SP140: variants seen among roughly 807,000 people sequenced by gnomAD.
SP140 encodes the protein SP140 nuclear body protein.
Under a neutral mutation model 125.0 loss-of-function variants are expected in SP140, and 81 were observed. The ratio of observed to expected loss-of-function variants is 0.65; its 90% CI spans 0.54 to 0.78. The LOEUF (loss-of-function observed/expected upper bound fraction) is 0.78, where lower values mean the gene tolerates loss of function less well. Ranked by LOEUF, SP140 falls within the 30% of genes least tolerant of loss-of-function variation. SP140 has a pLI of 0.00. For missense variants in SP140, 858 were observed against 1,037.0 expected, an observed-to-expected ratio of 0.83 and a Z score of 2.37; for synonymous variants, 312 against 354.0, an observed-to-expected ratio of 0.88 and a Z score of 1.33.
At position 230,273,124 on chromosome 2, in the gene SP140, C is replaced by T. The variant is rs553986230; in HGVS notation, c.1498+2485C>T. On this transcript the variant is annotated intron_variant, in intron 15 of 26. Coordinates refer to ENST00000392045, the MANE Select transcript of SP140 (RefSeq NM_007237.5). ...CTAATTAAACTAAAGAGTTTCTGCA[C>T]AGCAAAAGAAGCTATCATCAGAGTA... Among the ~76,000 whole-genome samples, 11 of 152,256 alleles carry T rather than the reference C, an allele frequency of 7.2e-5. No homozygotes were observed. In the South Asian group the frequency reaches 2.3e-3, roughly 32 times the overall value.
Position 230,215,773 on chromosome 2 carries a change from G to A in SP140, c.-91+1699G>A, listed in dbSNP as rs115326667. 7.7e-4 allele frequency among the ~76,000 whole-genome samples: 118 copies of A among 152,352 alleles called. 1 individual carries two copies. Among genetic ancestry groups the A allele is most frequent in the African/African-American group, 2.5e-3 (102 of 41,588 alleles). On this transcript the variant is annotated intron_variant, in intron 3 of 4. Transcript: ENST00000456542. ...TGCCTATATTTGGGGGTCAGGGTAG[G>A]CACTGTCAAGTGGAGAAGATGAGCA...
chr2:230,305,487 G>T (rs112822082), intron 22 of SP140, among the ~76,000 whole-genome samples: 3 of 152,362 alleles, frequency 2.0e-5, no homozygotes, highest in African/African-American at 7.2e-5. Context: ...GTCTTAGGGG[G>T]CAGACACAGA....
At chr2:230,241,116 A>G (rs1352176493) in intron 3 of SP140, among the ~76,000 whole-genome samples, 1 of 152,230 alleles carries the variant, frequency 6.6e-6, no homozygotes, top group East Asian at 1.9e-4. Flanking sequence ...GTACAGTGCC[A>G]GAAAGGAAGG....
In SP140 at chr2:230,251,072, G is replaced by A. The variant is rs768654703; in HGVS notation, c.1057+11G>A. On this transcript the variant is annotated intron_variant, in intron 10 of 26. Transcript: ENST00000392045. ...CAAGATGTGGGTCAGGTAAAGAAGG[G>A]GAGGATTTCTGGCCCTGGGCTGCAG... 3.1e-5 allele frequency: 50 copies of A among 1,610,748 alleles called. 1 individual carries two copies. In the South Asian group the frequency reaches 5.2e-4, roughly 17 times the overall value.
chr2:230,295,048 C>G lies in SP140; in HGVS notation c.2016+730C>G, dbSNP rs187173270. Among the ~76,000 whole-genome samples the G allele has an allele frequency of 1.1e-3, 160 of 152,320 alleles. 2 individuals are homozygous for G. The highest frequency in any genetic ancestry group is 3.6e-3 in the African/African-American group (150 of 41,572). On this transcript the variant is annotated intron_variant, in intron 21 of 26. Transcript: ENST00000392045. Reference sequence around the variant, plus strand: ...CTACCAGAGGGACTGTGCAGACCTGCTTTTTATCTGTGAAAGTGATTTTTC... The same window carrying G: ...CTACCAGAGGGACTGTGCAGACCTGGTTTTTATCTGTGAAAGTGATTTTTC...
intron 1 of SP140, among the ~76,000 whole-genome samples, chr2:230,204,457 T>C (rs2043535006): frequency 6.6e-6 from 1 of 152,140 alleles, no homozygotes; most frequent in African/African-American, 2.4e-5. Context: ...TATTGGAAAT[T>C]TCCCTCCAAT....
intron 1 of SP140, among the ~76,000 whole-genome samples, chr2:230,209,689 AT>A (rs541323499): frequency 6.6e-6 from 1 of 152,140 alleles, no homozygotes; most frequent in Non-Finnish European, 1.5e-5. Context: ...TAGGAGATTG[AT>A]TTTTTCAGAA....
chr2:230,236,619 CT>C lies in SP140; in HGVS notation c.60-461del, dbSNP rs543802439. On this transcript the variant is annotated intron_variant, in intron 1 of 26. Transcript: ENST00000392045. Reference sequence around the variant, plus strand: ...CACTAGTCTTTTGGTTCTATTCAGGCTTTCAATTGGTTGGGCAAGCCCCACC... The same window carrying C: ...CACTAGTCTTTTGGTTCTATTCAGGCTTCAATTGGTTGGGCAAGCCCCACC... 2.3e-3 allele frequency among the ~76,000 whole-genome samples: 354 copies of C among 152,302 alleles called. 3 individuals are homozygous for C. The highest frequency in any genetic ancestry group is 8.0e-3 in the African/African-American group (332 of 41,566).
At chr2:230,197,004 C>T in the SP140 span, among the ~76,000 whole-genome samples, 7 of 150,798 alleles carry the variant, frequency 4.6e-5, no homozygotes, top group South Asian at 2.1e-4. Context: ...AATAAACATA[C>T]GTGTGCATGT....
chr2:230,191,339 A>G, the SP140 span, among the ~76,000 whole-genome samples: 2 of 152,210 alleles, frequency 1.3e-5, no homozygotes, highest in East Asian at 1.9e-4. Flanking sequence ...CAAAAAATCA[A>G]TGAATCCAGG....
downstream of SP140, among the ~76,000 whole-genome samples, chr2:230,315,276 A>G (rs904267451): frequency 6.6e-6 from 1 of 152,218 alleles, no homozygotes; most frequent in African/African-American, 2.4e-5. Flanking sequence ...GTAAATGTGC[A>G]CATCACTGAT....
intron 15 of SP140, among the ~76,000 whole-genome samples, chr2:230,274,869 T>C (rs557147969): frequency 1.3e-5 from 2 of 152,304 alleles, no homozygotes; most frequent in South Asian, 4.1e-4. Flanking sequence ...ATGTGATATA[T>C]CTAAATGAAT....
At chr2:230,250,079 C>T (rs1287280103) in intron 9 of SP140, among the ~76,000 whole-genome samples, 1 of 152,178 alleles carries the variant, frequency 6.6e-6, no homozygotes, top group Non-Finnish European at 1.5e-5. Flanking sequence ...AAAAGGGAAA[C>T]CAACACCTCC....
At chr2:230,293,086 A>G (rs1463562837) in intron 20 of SP140, among the ~76,000 whole-genome samples, 2 of 152,212 alleles carry the variant, frequency 1.3e-5, no homozygotes, top group Non-Finnish European at 2.9e-5. Flanking sequence ...GTTGACAGTC[A>G]AGCAGTGGAA....
At chr2:230,210,679 C>T (rs1406901590) in intron 1 of SP140, among the ~76,000 whole-genome samples, 1 of 152,162 alleles carries the variant, frequency 6.6e-6, no homozygotes, top group African/African-American at 2.4e-5. Flanking sequence ...CAAAGAAAGA[C>T]AGAGAACTTG....
chr2:230,262,457 T>C (rs1446168743), intron 12 of SP140, among the ~76,000 whole-genome samples: 2 of 152,192 alleles, frequency 1.3e-5, no homozygotes, highest in African/African-American at 4.8e-5. Flanking sequence ...TCTGCTCTGA[T>C]CTTTGTTATT....
upstream of SP140, among the ~76,000 whole-genome samples, chr2:230,222,313 T>G (rs1272368946): frequency 1.3e-5 from 2 of 152,136 alleles, no homozygotes; most frequent in East Asian, 3.8e-4. Context: ...CTAGTGATTA[T>G]GTACTGAGAT....
At chr2:230,299,278 G>C (rs537954811) in intron 22 of SP140, among the ~76,000 whole-genome samples, 1 of 152,306 alleles carries the variant, frequency 6.6e-6, no homozygotes, top group East Asian at 1.9e-4. Context: ...AAGTGTGAGA[G>C]GGAAAAAGTC....
At position 230,307,990 on chromosome 2, in the gene SP140, TACACAC is replaced by T. The variant is rs139416979; in HGVS notation, c.2059-1912_2059-1907del. On this transcript the variant is annotated intron_variant, in intron 22 of 26. Transcript: ENST00000392045. ...ATATATATATATATATATATATATA[TACACAC>T]ACACACACACACACACACACAGAGA... Among the ~76,000 whole-genome samples the T allele has an allele frequency of 8.6e-3, 452 of 52,522 alleles. 7 individuals carry two copies. The highest frequency in any genetic ancestry group is 0.015 in the South Asian group (15 of 976). 34.5% of individuals were successfully genotyped at this position (52,522 alleles called of 152,430 possible).
Sources: allele counts gnomAD v4.1 joint callset (sites outside exome capture counted in the v4.1 genomes callset), GRCh38; gene constraint gnomAD v4.1.1; transcripts MANE v1.5; gene names NCBI Gene and HGNC (gene_info 2026-07-23, HGNC 2026-07-21).